ZNF585B: variants seen among roughly 807,000 people sequenced by gnomAD.
The protein encoded by ZNF585B is zinc finger protein 41-like protein.
A neutral mutation model predicts 14.0 loss-of-function variants in ZNF585B; 7 were observed. The observed-to-expected ratio is 0.50, with a 90% CI of 0.28 to 0.94. The LOEUF is 0.94. Ranked by LOEUF, ZNF585B falls within the 40% of genes least tolerant of loss-of-function variation. ZNF585B has a pLI of 0.09. For synonymous variants in ZNF585B, 290 were observed against 317.3 expected (o/e 0.91, Z 0.91); for missense variants, 750 against 924.4 (o/e 0.81, Z 2.45).
intron 2 of ZNF585B, among the ~76,000 whole-genome samples, chr19:37,201,550 C>G (rs1472635181): frequency 1.3e-5 from 2 of 152,118 alleles, no homozygotes; most frequent in Non-Finnish European, 2.9e-5. Context: ...TTCCTGTTTA[C>G]ACAGTGCCGG....
chr19:37,195,894 T>G (rs1244931006), intron 2 of ZNF585B: 1 of 151,908 alleles, frequency 6.6e-6, no homozygotes, highest in East Asian at 1.9e-4. Flanking sequence ...GGCGTGGTGG[T>G]GCATGCCTGT....
intron 2 of ZNF585B, among the ~76,000 whole-genome samples, chr19:37,194,918 C>A (rs570711237): frequency 2.6e-5 from 4 of 151,886 alleles, no homozygotes; most frequent in South Asian, 4.2e-4. Context: ...ACAGAAAGAC[C>A]ACAGAAAAGT....
intron 2 of ZNF585B, among the ~76,000 whole-genome samples, chr19:37,204,703 C>A (rs1437540170): frequency 6.6e-6 from 1 of 150,596 alleles, no homozygotes; most frequent in Admixed American, 6.6e-5. Context: ...GCCTCCCGAG[C>A]AGGTGGGTCT....
chr19:37,208,279 A>G (rs142812369), intron 1 of ZNF585B, among the ~76,000 whole-genome samples: 6 of 152,240 alleles, frequency 3.9e-5, no homozygotes, highest in South Asian at 2.1e-4. Context: ...CCCACCTCAC[A>G]CTATTAAGTA....
Position 37,185,147 on chromosome 19 carries a change from A to G in ZNF585B, c.*80T>C. 2 of 1,475,568 alleles carry G rather than the reference A, an allele frequency of 1.4e-6. No homozygotes were observed. The highest frequency in any genetic ancestry group is 1.8e-6 in the Non-Finnish European group (2 of 1,094,052). The allele number at this position is 1,475,568 out of a possible 1,614,324, so 91.4% of individuals were successfully genotyped here. On this transcript the variant is annotated 3_prime_UTR_variant, in exon 5 of 5. Coordinates refer to ENST00000532828, the MANE Select transcript of ZNF585B (RefSeq NM_152279.4). ...TGTGGTCATTTCTATTTACAATAAT[A>G]TACATATTTTTCTGCTGCATGCGTG...
intron 4 of ZNF585B, 25 bp downstream of exon 4, chr19:37,189,636 G>C (rs768464710): frequency 1.9e-6 from 3 of 1,611,764 alleles, no homozygotes; most frequent in Non-Finnish European, 2.5e-6. Context: ...TCTAACCTGA[G>C]TCACATTCAC....
At chr19:37,195,606 A>G (rs1972457256) in intron 2 of ZNF585B, among the ~76,000 whole-genome samples, 1 of 151,744 alleles carries the variant, frequency 6.6e-6, no homozygotes, top group African/African-American at 2.4e-5. Flanking sequence ...GATAAACTAA[A>G]TAAATTAGCT....
At chr19:37,191,617 A>G (rs551201423) in intron 2 of ZNF585B, among the ~76,000 whole-genome samples, 2 of 135,508 alleles carry the variant, frequency 1.5e-5, no homozygotes, top group African/African-American at 5.5e-5. Flanking sequence ...GACTCTGTCT[A>G]AAAAAAAAAA....
Position 37,186,532 on chromosome 19 carries a change from G to A in ZNF585B, c.1005C>T (p.Phe335=). Residue 335 remains phenylalanine, a synonymous_variant, in exon 5 of 5, where the codon TTC becomes TTT. Transcript: ENST00000532828. ...GTGTAATGAGGTTGGAATTATTGCT[G>A]AAGACCTTCCCATATTCGGTACATA... ...PYICTEYGKV[F]SNNSNLITHE... The A allele has an allele frequency of 6.2e-7, 1 of 1,614,210 alleles. No homozygotes were observed. Among genetic ancestry groups the A allele is most frequent in the South Asian group, 1.1e-5 (1 of 91,078 alleles).
At chr19:37,191,962 G>A (rs1457377995) in intron 2 of ZNF585B, among the ~76,000 whole-genome samples, 1 of 152,022 alleles carries the variant, frequency 6.6e-6, no homozygotes, top group Non-Finnish European at 1.5e-5. Context: ...CCTGGGAGGC[G>A]GAGGTTGCAG....
chr19:37,198,911 A>G (rs777012630), intron 2 of ZNF585B: 5 of 1,271,632 alleles, frequency 3.9e-6, no homozygotes, highest in Non-Finnish European at 5.4e-6. Context: ...AATTTTTAAT[A>G]TGTAAAATTA....
In ZNF585B at chr19:37,186,311, G is replaced by C. The variant is rs368332359; in HGVS notation, c.1226C>G (p.Ser409Trp). The C allele has an allele frequency of 5.9e-5, 95 of 1,613,816 alleles. No homozygotes were observed. The highest frequency in any genetic ancestry group is 7.8e-5 in the Non-Finnish European group (92 of 1,179,924). Residue 409 changes from serine (S) to tryptophan (W), a missense_variant, in exon 5 of 5, where the codon TCG becomes TGG. Around this residue, in one of 2 missense-constraint regions of ZNF585B, gnomAD observed 517 missense variants for 570.3 expected, o/e 0.91. Transcript: ENST00000532828. ...CAGTCCACATTTCATGCATATATACGATTTTTCTCCTGTATGAATTCTCTG... is the reference window on the plus strand; with the variant it reads ...CAGTCCACATTTCATGCATATATACCATTTTTCTCCTGTATGAATTCTCTG... ...VHQRIHTGEK[S>W]YICMKCGLAF...
chr19:37,197,836 G>A (rs1972485403), intron 2 of ZNF585B, among the ~76,000 whole-genome samples: 1 of 152,058 alleles, frequency 6.6e-6, no homozygotes, highest in Non-Finnish European at 1.5e-5. Flanking sequence ...AATTACTTTT[G>A]CACCAACCTA....
chr19:37,200,866 G>A (rs968250691), intron 2 of ZNF585B, among the ~76,000 whole-genome samples: 27 of 151,844 alleles, frequency 1.8e-4, no homozygotes, highest in Middle Eastern at 3.2e-3. Flanking sequence ...TGAGGCAGGC[G>A]GATCACCTGA....
In ZNF585B at chr19:37,184,476, G is replaced by GAA. The variant is rs1230661029; in HGVS notation, c.*749_*750dup. The GAA allele has an allele frequency of 9.6e-5, 11 of 114,360 alleles. No individual in the cohort carries two copies. Among genetic ancestry groups the GAA allele is most frequent in the East Asian group, 7.1e-4 (3 of 4,242 alleles). 7.1% of individuals were successfully genotyped at this position (114,360 alleles called of 1,614,324 possible). On this transcript the variant is annotated 3_prime_UTR_variant, in exon 5 of 5. Coordinates refer to ENST00000532828, the MANE Select transcript of ZNF585B (RefSeq NM_152279.4). ...AGAAAGAAAGAAAGAAAGAAAGAAAGAAAGAAAGAAAGAAAGAAAGAAAGA... is the reference window on the plus strand; with the variant it reads ...AGAAAGAAAGAAAGAAAGAAAGAAAGAAAAAGAAAGAAAGAAAGAAAGAAAGA...
At chr19:37,205,793 C>A (rs1972578839) in intron 2 of ZNF585B, among the ~76,000 whole-genome samples, 1 of 151,876 alleles carries the variant, frequency 6.6e-6, no homozygotes, top group Non-Finnish European at 1.5e-5. Context: ...TAACAATACA[C>A]CCAGGCCGGG....
At chr19:37,194,760 A>C (rs1376325637) in intron 2 of ZNF585B, among the ~76,000 whole-genome samples, 1 of 152,218 alleles carries the variant, frequency 6.6e-6, no homozygotes, top group Non-Finnish European at 1.5e-5. Flanking sequence ...CTACTGCAAC[A>C]AACAACAGCA....
chr19:37,198,861 T>C, intron 2 of ZNF585B: 1 of 747,886 alleles, frequency 1.3e-6, no homozygotes, highest in African/African-American at 1.8e-5. Flanking sequence ...GGTATGAGCA[T>C]GCAGATGGAA....
chr19:37,209,774 G>A (rs191566197), intron 1 of ZNF585B, among the ~76,000 whole-genome samples: 2 of 140,412 alleles, frequency 1.4e-5, no homozygotes, highest in Non-Finnish European at 3.0e-5. Context: ...GGAGTGCAGT[G>A]GCAAGATCTG....
Sources: allele counts gnomAD v4.1 joint callset (sites outside exome capture counted in the v4.1 genomes callset), GRCh38; gene constraint gnomAD v4.1.1; regional missense constraint gnomAD v4.1.1; transcripts MANE v1.5; gene names NCBI Gene and HGNC (gene_info 2026-07-23, HGNC 2026-07-21).